Variants in BCAR3 observed in about 807,000 individuals in gnomAD.
BCAR3 encodes the protein BCAR3 adaptor protein, NSP family member.
Under a neutral mutation model 80.1 loss-of-function variants are expected in BCAR3, and 37 were observed. That is an observed-to-expected ratio of 0.46 (90% CI 0.36 to 0.61). The LOEUF (loss-of-function observed/expected upper bound fraction) is 0.61, where lower values mean the gene tolerates loss of function less well. BCAR3 is among the 20% of genes least tolerant of loss of function. The pLI, the probability that BCAR3 is intolerant of heterozygous loss-of-function variation, is 0.00. For missense variants in BCAR3, 978 were observed against 1,068.2 expected, an observed-to-expected ratio of 0.92 and a Z score of 1.18; for synonymous variants, 389 against 418.9, an observed-to-expected ratio of 0.93 and a Z score of 0.87.
At chr1:93,684,748 T>C (rs1268419925), upstream of BCAR3, among the ~76,000 whole-genome samples, 1 of 152,204 alleles carries the variant, frequency 6.6e-6, no homozygotes, top group African/African-American at 2.4e-5. Context: ...TTTTTTGTTT[T>C]TGAGACAGTC....
chr1:93,842,479 T>C (rs541035634), intron 2 of BCAR3, among the ~76,000 whole-genome samples: 6 of 152,164 alleles, frequency 3.9e-5, no homozygotes, highest in Non-Finnish European at 8.8e-5. Flanking sequence ...ATAAGGCTTG[T>C]AAGCCAAGCA....
At chr1:93,688,376 G>C (rs1465754829) in intron 3 of BCAR3, among the ~76,000 whole-genome samples, 1 of 151,938 alleles carries the variant, frequency 6.6e-6, no homozygotes, top group Non-Finnish European at 1.5e-5. Context: ...CCGGACTCTG[G>C]AGCCTGTTTC....
chr1:93,607,875 G>C (rs560108526), intron 3 of BCAR3, among the ~76,000 whole-genome samples: 1 of 152,306 alleles, frequency 6.6e-6, no homozygotes, highest in Admixed American at 6.5e-5. Context: ...TAAGCTGCTT[G>C]TATCTCCATC....
At chr1:93,816,731 T>C (rs17304770) in intron 2 of BCAR3, among the ~76,000 whole-genome samples, 10,638 of 141,668 alleles carry the variant, frequency 0.075, 427 homozygotes, top group South Asian at 0.1. Flanking sequence ...CAATAGATGG[T>C]AATACTGAAG....
chr1:93,653,020 C>G (rs995728904), intron 2 of BCAR3, among the ~76,000 whole-genome samples: 1 of 152,170 alleles, frequency 6.6e-6, no homozygotes, highest in Non-Finnish European at 1.5e-5. Context: ...TAAAAGGACA[C>G]TTGATCTGTA....
chr1:93,773,551 A>G (rs931040558), intron 2 of BCAR3, among the ~76,000 whole-genome samples: 3 of 152,172 alleles, frequency 2.0e-5, no homozygotes, highest in Non-Finnish European at 2.9e-5. Context: ...ATTTATTTCC[A>G]TAGCCCCATG....
chr1:93,678,189 T>C (rs1281087692), intron 1 of BCAR3, among the ~76,000 whole-genome samples: 1 of 152,222 alleles, frequency 6.6e-6, no homozygotes, highest in Non-Finnish European at 1.5e-5. Flanking sequence ...GTCTCCAGTA[T>C]TGACCAATGT....
chr1:93,584,022 C>A lies in BCAR3; in HGVS notation c.1029G>T (p.Pro343=), dbSNP rs368740638. 6.2e-7 allele frequency: 1 copy of A among 1,613,768 alleles called. No homozygotes were observed. The highest frequency in any genetic ancestry group is 8.5e-7 in the Non-Finnish European group (1 of 1,179,810). Residue 343 remains proline, a synonymous_variant, in exon 6 of 12, where the codon CCG becomes CCT. Coordinates refer to ENST00000260502, the MANE Select transcript of BCAR3 (RefSeq NM_003567.4). ...LKAHQSESYL[P]IGCKLPPQSS... ...TGAAAATTCCCCGAAACATACCAAT[C>A]GGCAGGTAGCTCTCTGACTGGTGGG...
chr1:93,646,908 G>A (rs562017333), intron 2 of BCAR3, among the ~76,000 whole-genome samples: 2 of 152,206 alleles, frequency 1.3e-5, no homozygotes, highest in East Asian at 3.9e-4. Flanking sequence ...TTTGTTAATA[G>A]TCTAGGTAAA....
intron 2 of BCAR3, among the ~76,000 whole-genome samples, chr1:93,730,366 T>G (rs1260896078): frequency 1.3e-5 from 2 of 152,104 alleles, no homozygotes; most frequent in African/African-American, 2.4e-5. Flanking sequence ...GGGCTGACAG[T>G]GGGTGTGCAG....
At chr1:93,610,816 G>A (rs921192807) in intron 3 of BCAR3, among the ~76,000 whole-genome samples, 5 of 151,928 alleles carry the variant, frequency 3.3e-5, no homozygotes, top group African/African-American at 7.3e-5. Context: ...GTGTGGTGGT[G>A]GGTGCCTGTA....
chr1:93,633,390 T>C (rs1219069130), intron 3 of BCAR3, among the ~76,000 whole-genome samples: 1 of 152,214 alleles, frequency 6.6e-6, no homozygotes, highest in African/African-American at 2.4e-5. Flanking sequence ...CCACTGCGAC[T>C]ATCTCAGGTT....
chr1:93,672,066 T>C (rs949171007), intron 2 of BCAR3, among the ~76,000 whole-genome samples: 1 of 152,180 alleles, frequency 6.6e-6, no homozygotes, highest in Non-Finnish European at 1.5e-5. Flanking sequence ...AAAAAAGATG[T>C]GAATTTGGAT....
At chr1:93,816,974 C>A (rs555417053) in intron 2 of BCAR3, among the ~76,000 whole-genome samples, 1 of 152,054 alleles carries the variant, frequency 6.6e-6, no homozygotes, top group Non-Finnish European at 1.5e-5. Context: ...AACCACCACC[C>A]CCTCAAAAAA....
chr1:93,631,197 T>G lies in BCAR3; in HGVS notation c.357+11107A>C, dbSNP rs188734637. Among the ~76,000 whole-genome samples the G allele has an allele frequency of 9.2e-5, 14 of 152,284 alleles. No individual in the cohort carries two copies. In the East Asian group the frequency reaches 2.5e-3, roughly 27 times the overall value. ...CCCCCAGTCTCTATCTGTCCTCACA[T>G]GGCCTTCTCCCTCTACACCTGTGTC... On this transcript the variant is annotated intron_variant, in intron 3 of 11. Transcript: ENST00000260502.
intron 2 of BCAR3, among the ~76,000 whole-genome samples, chr1:93,659,391 C>T (rs1326089582): frequency 6.6e-6 from 1 of 151,522 alleles, no homozygotes; most frequent in Non-Finnish European, 1.5e-5. Flanking sequence ...TGGGGTCTTG[C>T]TATGTTGTCC....
At chr1:93,767,124 T>A (rs1205786519) in intron 2 of BCAR3, among the ~76,000 whole-genome samples, 1 of 152,176 alleles carries the variant, frequency 6.6e-6, no homozygotes, top group Non-Finnish European at 1.5e-5. Flanking sequence ...ACTATCAAGA[T>A]CCATCTTTAA....
intron 2 of BCAR3, among the ~76,000 whole-genome samples, chr1:93,838,968 T>G (rs1654864484): frequency 6.6e-6 from 1 of 152,206 alleles, no homozygotes; most frequent in Non-Finnish European, 1.5e-5. Flanking sequence ...AGTTCCAAAT[T>G]TCAGTTATTT....
At chr1:93,600,404 G>A (rs1200904356) in intron 3 of BCAR3, among the ~76,000 whole-genome samples, 1 of 152,244 alleles carries the variant, frequency 6.6e-6, no homozygotes, top group Non-Finnish European at 1.5e-5. Flanking sequence ...AACTGTCAGA[G>A]GCATGACTGG....
Sources: allele counts gnomAD v4.1 joint callset (sites outside exome capture counted in the v4.1 genomes callset), GRCh38; gene constraint gnomAD v4.1.1; transcripts MANE v1.5; gene names NCBI Gene and HGNC (gene_info 2026-07-23, HGNC 2026-07-21).